ENAH: variants seen among roughly 807,000 people sequenced by gnomAD.
The protein encoded by ENAH is ENAH actin regulator.
In ENAH, 23 loss-of-function variants were observed where a neutral mutation model predicts 78.7. That is an observed-to-expected ratio of 0.29 (90% CI 0.21 to 0.41). The LOEUF (loss-of-function observed/expected upper bound fraction) is 0.41, where lower values mean the gene tolerates loss of function less well. ENAH is among the 10% of genes least tolerant of loss of function. The pLI is 1.00. For synonymous variants in ENAH, 226 were observed against 241.0 expected, an observed-to-expected ratio of 0.94 and a Z score of 0.58; for missense variants, 544 against 691.0, an observed-to-expected ratio of 0.79 and a Z score of 2.39.
chr1:225,585,213 C>A, intron 1 of ENAH, among the ~76,000 whole-genome samples: 1 of 55,894 alleles, frequency 1.8e-5, no homozygotes, highest in African/African-American at 7.4e-5. Context: ...GATACCCTGT[C>A]TCAAAAAAAA....
chr1:225,559,191 C>T (rs1057169367), intron 2 of ENAH, among the ~76,000 whole-genome samples: 5 of 152,126 alleles, frequency 3.3e-5, no homozygotes, highest in African/African-American at 9.7e-5. Context: ...GATTTCTTCT[C>T]GGACTCATGG....
At chr1:225,565,212 G>T (rs1237666900) in intron 2 of ENAH, among the ~76,000 whole-genome samples, 2 of 152,074 alleles carry the variant, frequency 1.3e-5, no homozygotes, top group African/African-American at 4.8e-5. Flanking sequence ...GAGGCAGGTG[G>T]ATCACCTGAG....
chr1:225,620,305 A>G (rs1413299871), intron 1 of ENAH, among the ~76,000 whole-genome samples: 1 of 151,996 alleles, frequency 6.6e-6, no homozygotes, highest in Non-Finnish European at 1.5e-5. Context: ...CGGCAGGTAG[A>G]TCACAAGGTC....
chr1:225,581,863 T>C (rs1219014845), intron 1 of ENAH, among the ~76,000 whole-genome samples: 3 of 151,732 alleles, frequency 2.0e-5, no homozygotes, highest in South Asian at 2.1e-4. Flanking sequence ...TAATTTTTTT[T>C]TTTTTTTTTA....
Position 225,652,991 on chromosome 1 carries a change from G to T in ENAH, c.-301C>A. The T allele has an allele frequency of 3.4e-6, 1 of 298,492 alleles. No homozygotes were observed. 18.5% of individuals were successfully genotyped at this position (298,492 alleles called of 1,614,324 possible). On this transcript the variant is annotated 5_prime_UTR_variant, in exon 1 of 14. Transcript: ENST00000366843. ...TCGTGGTCCTGCTCCTCCTCCCGGA[G>T]CTTCCTCGGCCGCCCTCTGAGGGGT...
At chr1:225,566,261 T>G (rs1267508666) in intron 2 of ENAH, among the ~76,000 whole-genome samples, 2 of 150,984 alleles carry the variant, frequency 1.3e-5, no homozygotes, top group Non-Finnish European at 3.0e-5. Flanking sequence ...TTTTGTGTGT[T>G]TTTTTGTTTG....
intron 4 of ENAH, chr1:225,524,647 G>A (rs942494429): frequency 4.1e-6 from 4 of 985,264 alleles, no homozygotes; most frequent in African/African-American, 1.7e-5. Flanking sequence ...AAGGCCAATA[G>A]GAGGGCTATA....
At chr1:225,529,549 A>G (rs1278340051) in intron 4 of ENAH, among the ~76,000 whole-genome samples, 1 of 152,160 alleles carries the variant, frequency 6.6e-6, no homozygotes, top group East Asian at 1.9e-4. Context: ...AGCACTTACC[A>G]TCTTCTACTA....
chr1:225,639,906 G>A (rs1660731278), intron 1 of ENAH, among the ~76,000 whole-genome samples: 4 of 152,180 alleles, frequency 2.6e-5, no homozygotes, highest in Admixed American at 2.6e-4. Context: ...TGTAGTATGT[G>A]TGGAGTCTAC....
At chr1:225,582,044 T>TGG (rs1424165599) in intron 1 of ENAH, among the ~76,000 whole-genome samples, 3 of 151,896 alleles carry the variant, frequency 2.0e-5, no homozygotes, top group Non-Finnish European at 4.4e-5. Flanking sequence ...ATGTTGGGGG[T>TGG]GGGGCCTGGT....
chr1:225,647,453 T>C (rs1354119931), intron 1 of ENAH, among the ~76,000 whole-genome samples: 1 of 152,174 alleles, frequency 6.6e-6, no homozygotes, highest in Non-Finnish European at 1.5e-5. Context: ...ATCCTGACAC[T>C]TGTAGCCACT....
At chr1:225,515,082 C>T in intron 6 of ENAH, 182 bp from the exon 7 acceptor site, 2 of 622,428 alleles carry the variant, frequency 3.2e-6, no homozygotes, top group African/African-American at 1.9e-5. Context: ...AATGTAAGGT[C>T]CAAGTATATA....
At chr1:225,590,081 CAACA>C (rs2096867702) in intron 1 of ENAH, among the ~76,000 whole-genome samples, 1 of 114,124 alleles carries the variant, frequency 8.8e-6, no homozygotes, top group Non-Finnish European at 1.8e-5. Flanking sequence ...CCTCATCACT[CAACA>C]CACACACACA....
chr1:225,581,351 A>G (rs2096816707), intron 1 of ENAH: 3 of 943,530 alleles, frequency 3.2e-6, no homozygotes, highest in African/African-American at 3.5e-5. Flanking sequence ...AAAAATATCA[A>G]GTGTGGCTAA....
At position 225,517,178 on chromosome 1, in the gene ENAH, C is replaced by T. The variant is rs2096426891; in HGVS notation, c.913+18G>A. Reference sequence around the variant, plus strand: ...TTTTCAAGTGATTAGCTGTTAGTAGCAATAATGAAAGCCTTACCCTGTTGG... The same window carrying T: ...TTTTCAAGTGATTAGCTGTTAGTAGTAATAATGAAAGCCTTACCCTGTTGG... On this transcript the variant is annotated intron_variant, in intron 6 of 13. Coordinates refer to ENST00000366843, the MANE Select transcript of ENAH (RefSeq NM_018212.6). 6.7e-7 allele frequency: 1 copy of T among 1,486,434 alleles called. No individual in the cohort carries two copies. Among genetic ancestry groups the T allele is most frequent in the Non-Finnish European group, 9.0e-7 (1 of 1,116,510 alleles). The allele number at this position is 1,486,434 out of a possible 1,614,324, so 92.1% of individuals were successfully genotyped here. A position where few individuals can be genotyped will look rare whatever the true frequency, so the allele number is the denominator to read the frequency against.
intron 1 of ENAH, among the ~76,000 whole-genome samples, chr1:225,635,427 C>A (rs2148396784): frequency 1.3e-5 from 2 of 152,300 alleles, no homozygotes; most frequent in Middle Eastern, 6.8e-3. Flanking sequence ...TTGTACCCTG[C>A]AACTTTGCTG....
chr1:225,625,270 T>C (rs777089785), intron 1 of ENAH, among the ~76,000 whole-genome samples: 3 of 152,190 alleles, frequency 2.0e-5, no homozygotes, highest in Non-Finnish European at 4.4e-5. Context: ...AATTCTTAGC[T>C]CAAATTCTAG....
chr1:225,520,742 G>C (rs866293164), intron 4 of ENAH, among the ~76,000 whole-genome samples: 1 of 152,100 alleles, frequency 6.6e-6, no homozygotes, highest in Non-Finnish European at 1.5e-5. Flanking sequence ...TGTATTCCCA[G>C]CTACTTGGGA....
At chr1:225,503,448 G>A (rs1397856465) in intron 11 of ENAH, among the ~76,000 whole-genome samples, 3 of 151,820 alleles carry the variant, frequency 2.0e-5, no homozygotes, top group African/African-American at 7.3e-5. Flanking sequence ...GCTAATTTTT[G>A]TATGTTTTGT....
Sources: gnomAD v4.1 joint callset for allele counts (sites outside exome capture counted in the v4.1 genomes callset) on GRCh38, gnomAD v4.1.1 for gene constraint, MANE v1.5 for transcripts, NCBI Gene and HGNC (gene_info 2026-07-23, HGNC 2026-07-21) for gene names.